ATP2C1: variants seen among roughly 807,000 people sequenced by gnomAD.
The protein encoded by ATP2C1 is ATPase secretory pathway Ca2+ transporting 1.
ATP2C1 carries 31 observed loss-of-function variants against 120.5 expected under a neutral mutation model. The observed-to-expected ratio is 0.26, with a 90% CI of 0.19 to 0.35. The LOEUF is 0.35. Among genes scored for constraint, ATP2C1 ranks in the 10% least tolerant of loss-of-function variants. ATP2C1 has a pLI of 1.00. For missense variants in ATP2C1, 731 were observed against 1,107.5 expected (o/e 0.66, Z 4.83); for synonymous variants, 351 against 358.7 (o/e 0.98, Z 0.24).
chr3:130,963,021 G>A (rs2060892398), intron 12 of ATP2C1: 1 of 151,986 alleles, frequency 6.6e-6, no homozygotes, highest in Non-Finnish European at 1.5e-5. Flanking sequence ...GGGAACAGTG[G>A]TAGAATGAAG....
chr3:130,953,674 C>T, intron 8 of ATP2C1, 147 bp from the exon 9 acceptor site: 1 of 827,752 alleles, frequency 1.2e-6, no homozygotes, highest in South Asian at 1.4e-5. Context: ...TGTACTGATT[C>T]TGGTCTTTTA....
At chr3:130,911,180 C>G (rs199860264) in intron 2 of ATP2C1, among the ~76,000 whole-genome samples, 4 of 118,216 alleles carry the variant, frequency 3.4e-5, no homozygotes, top group African/African-American at 6.4e-5. Context: ...GTCTTGGGAG[C>G]GTGTATGTGT....
intron 2 of ATP2C1, among the ~76,000 whole-genome samples, chr3:130,919,478 C>G (rs1231754537): frequency 6.6e-6 from 1 of 152,126 alleles, no homozygotes; most frequent in Non-Finnish European, 1.5e-5. Flanking sequence ...CTCAGCCTCC[C>G]AAAGTGCTAG....
At chr3:130,902,002 C>G (rs184841967) in intron 2 of ATP2C1, among the ~76,000 whole-genome samples, 1 of 152,028 alleles carries the variant, frequency 6.6e-6, no homozygotes, top group African/African-American at 2.4e-5. Flanking sequence ...TACCTCCCCC[C>G]GCCACCCTCA....
At chr3:131,016,452 A>G (rs2063638327) in exon 27 of ATP2C1, 2 of 1,217,220 alleles carry the variant, frequency 1.6e-6, no homozygotes, top group Non-Finnish European at 2.3e-6. Flanking sequence ...TAAAAAAACT[A>G]AGATGTTTTT....
intron 2 of ATP2C1, among the ~76,000 whole-genome samples, chr3:130,915,157 G>C (rs556641574): frequency 1.3e-5 from 2 of 151,686 alleles, no homozygotes; most frequent in South Asian, 4.2e-4. Flanking sequence ...GCAATGGCGT[G>C]ATCTTGGCTC....
intron 6 of ATP2C1, among the ~76,000 whole-genome samples, chr3:130,937,768 T>C (rs1437532110): frequency 6.6e-6 from 1 of 152,214 alleles, no homozygotes. Flanking sequence ...AGCAGTAAAC[T>C]TTTTTATTTT....
At chr3:131,011,320 A>G (rs920431979) in intron 26 of ATP2C1, among the ~76,000 whole-genome samples, 5 of 152,238 alleles carry the variant, frequency 3.3e-5, no homozygotes, top group Non-Finnish European at 5.9e-5. Context: ...GAACATGATT[A>G]GGTTATAGTA....
intron 6 of ATP2C1, 64 bp downstream of exon 6, chr3:130,937,527 G>T: frequency 7.2e-7 from 1 of 1,384,118 alleles, no homozygotes; most frequent in Non-Finnish European, 1.0e-6. Flanking sequence ...AAGGTGTCTT[G>T]TGGTAGAACC....
At chr3:130,901,377 AAG>A (rs375573099) in intron 2 of ATP2C1, among the ~76,000 whole-genome samples, 14 of 152,150 alleles carry the variant, frequency 9.2e-5, no homozygotes, top group African/African-American at 3.4e-4. Context: ...ATGAGGGGCC[AAG>A]AGAGATTAGT....
intron 1 of ATP2C1, among the ~76,000 whole-genome samples, chr3:130,881,522 C>T (rs1002934938): frequency 1.3e-5 from 2 of 152,086 alleles, no homozygotes; most frequent in African/African-American, 4.8e-5. Context: ...CCATGCCCAG[C>T]TAGTTTTTAA....
chr3:130,977,533 G>C (rs1014198354), intron 18 of ATP2C1, among the ~76,000 whole-genome samples: 1 of 152,092 alleles, frequency 6.6e-6, no homozygotes, highest in African/African-American at 2.4e-5. Flanking sequence ...GACTTAAAGA[G>C]GTCTTGAAGG....
chr3:130,992,853 T>C, intron 20 of ATP2C1, 98 bp from the exon 21 acceptor site: 1 of 973,684 alleles, frequency 1.0e-6, no homozygotes, highest in Admixed American at 1.8e-5. Context: ...TAAATACAGC[T>C]TAAATTGATG....
At chr3:130,978,002 G>C (rs1032077297) in intron 18 of ATP2C1, among the ~76,000 whole-genome samples, 13 of 152,094 alleles carry the variant, frequency 8.5e-5, no homozygotes, top group African/African-American at 2.4e-4. Context: ...GATTTTCACT[G>C]GTGCTAAAGA....
In ATP2C1 at chr3:130,955,253, A is replaced by C. The variant is rs561441341; in HGVS notation, c.756+173A>C. 1.3e-4 allele frequency among the ~76,000 whole-genome samples: 20 copies of C among 152,218 alleles called. No homozygotes were observed. The East Asian group carries it at 3.7e-3, about 28-fold the overall frequency. ...GAAAGCCTGTAATTGAAAAGGTCTAAATTGATGTTGTTAGTATTCTAAAGG... is the reference window on the plus strand; with the variant it reads ...GAAAGCCTGTAATTGAAAAGGTCTACATTGATGTTGTTAGTATTCTAAAGG... On this transcript the variant is annotated intron_variant, in intron 10 of 27. Coordinates refer to ENST00000510168, the MANE Select transcript of ATP2C1 (RefSeq NM_001378687.1).
Position 130,887,888 on chromosome 3 carries a change from C to G in ATP2C1, c.108+36960C>G, listed in dbSNP as rs536997486. Among the ~76,000 whole-genome samples, 6 of 152,294 alleles carry G rather than the reference C, an allele frequency of 3.9e-5. No homozygotes were observed. In the South Asian group the frequency reaches 1.2e-3, roughly 32 times the overall value. On this transcript the variant is annotated intron_variant, in intron 1 of 26. Transcript: ENST00000504381. ...TCTTTACTTTCCCCTCTGCTTTTCT[C>G]TAGCAAGAGGAGTCTCTCACCATAG...
intron 2 of ATP2C1, among the ~76,000 whole-genome samples, chr3:130,925,484 G>T (rs1469763325): frequency 6.6e-6 from 1 of 152,186 alleles, no homozygotes; most frequent in Non-Finnish European, 1.5e-5. Context: ...GGTAGCTGGG[G>T]AGTGAAGTAG....
At chr3:131,013,933 T>G in intron 26 of ATP2C1, 1 of 615,860 alleles carries the variant, frequency 1.6e-6, no homozygotes, top group Non-Finnish European at 2.7e-6. Flanking sequence ...GAATTCAGAT[T>G]ATTGTGATGT....
chr3:130,934,554 TAAAGCC>T, intron 4 of ATP2C1, 62 bp from the exon 5 acceptor site: 2 of 1,020,966 alleles, frequency 2.0e-6, no homozygotes, highest in South Asian at 1.4e-5. Context: ...TTTTTTTTTT[TAAAGCC>T]TTTGCTGAGA....
Sources: gnomAD v4.1 joint callset for allele counts (sites outside exome capture counted in the v4.1 genomes callset) on GRCh38, gnomAD v4.1.1 for gene constraint, MANE v1.5 for transcripts, NCBI Gene and HGNC (gene_info 2026-07-23, HGNC 2026-07-21) for gene names.